Variants in ANOS1 observed in about 807,000 individuals in gnomAD.
ANOS1 encodes anosmin 1.
A neutral mutation model predicts 59.0 loss-of-function variants in ANOS1; 6 were observed. The observed-to-expected ratio is 0.10, with a 90% CI of 0.06 to 0.20. ANOS1 has a LOEUF of 0.20. Ranked by LOEUF, ANOS1 falls within the 10% of genes least tolerant of loss-of-function variation. The pLI, the probability that ANOS1 is intolerant of heterozygous loss-of-function variation, is 1.00. For missense variants in ANOS1, 433 were observed against 542.3 expected (o/e 0.80, Z 2.00); for synonymous variants, 217 against 223.4 (o/e 0.97, Z 0.25).
At chrX:8,714,105 C>T (rs181377719) in intron 1 of ANOS1, among the ~76,000 whole-genome samples, 28 of 112,039 alleles carry the variant, frequency 2.5e-4, no homozygotes, top group Non-Finnish European at 1.7e-4. Context: ...ACATTCAGGG[C>T]GGTCTAGACC....
chrX:8,547,404 T>C (rs1929786038), intron 9 of ANOS1, among the ~76,000 whole-genome samples: 1 of 111,985 alleles, frequency 8.9e-6, no homozygotes, highest in South Asian at 3.7e-4. Context: ...AAAAAAGTAA[T>C]CCAGCCTTTA....
At chrX:8,575,877 G>A (rs1324723232) in intron 6 of ANOS1, among the ~76,000 whole-genome samples, 1 of 111,127 alleles carries the variant, frequency 9.0e-6, no homozygotes, top group Non-Finnish European at 1.9e-5. Context: ...GCTGAGGCAG[G>A]AGGATTGTTT....
chrX:8,655,017 C>T (rs1298327722), intron 2 of ANOS1, among the ~76,000 whole-genome samples: 1 of 110,814 alleles, frequency 9.0e-6, no homozygotes, highest in Non-Finnish European at 1.9e-5. Context: ...CTTTTTAGCA[C>T]CAGGATCTGG....
intron 6 of ANOS1, among the ~76,000 whole-genome samples, chrX:8,578,788 T>C (rs1047247838): frequency 3.6e-5 from 4 of 112,554 alleles, no homozygotes; most frequent in Non-Finnish European, 5.6e-5. Flanking sequence ...TTTTGTGATG[T>C]CAAATTGATA....
At chrX:8,714,308 A>C (rs180980436) in intron 1 of ANOS1, among the ~76,000 whole-genome samples, 99 of 111,923 alleles carry the variant, frequency 8.8e-4, no homozygotes, top group African/African-American at 2.8e-3. Flanking sequence ...GACAGGTGCA[A>C]TATGTTATAC....
intron 8 of ANOS1, among the ~76,000 whole-genome samples, chrX:8,556,976 A>G (rs916380741): frequency 8.9e-5 from 10 of 111,942 alleles, no homozygotes; most frequent in African/African-American, 3.2e-4. Context: ...GTAACAAAAC[A>G]GATATATAGA....
At chrX:8,679,884 T>C (rs2146885595) in intron 2 of ANOS1, among the ~76,000 whole-genome samples, 1 of 110,901 alleles carries the variant, frequency 9.0e-6, no homozygotes, top group African/African-American at 3.3e-5. Context: ...ACCAACTAAA[T>C]TGTGAATACT....
At chrX:8,670,654 G>T (rs181318038) in intron 2 of ANOS1, among the ~76,000 whole-genome samples, 2 of 111,614 alleles carry the variant, frequency 1.8e-5, no homozygotes, top group East Asian at 5.6e-4. Context: ...TGAAATTCTG[G>T]ACAACTCAAA....
chrX:8,581,343 C>T (rs1930420129), intron 6 of ANOS1, among the ~76,000 whole-genome samples: 1 of 111,717 alleles, frequency 9.0e-6, no homozygotes, highest in Non-Finnish European at 1.9e-5. Context: ...TTGCCTCCCA[C>T]CATGATTCTG....
At chrX:8,622,825 T>C (rs1426665713) in intron 3 of ANOS1, among the ~76,000 whole-genome samples, 1 of 112,131 alleles carries the variant, frequency 8.9e-6, no homozygotes, top group African/African-American at 3.2e-5. Context: ...GCAGATCTCC[T>C]TTTTTGCACT....
At chrX:8,611,418 G>A (rs999796195) in intron 3 of ANOS1, among the ~76,000 whole-genome samples, 1 of 109,446 alleles carries the variant, frequency 9.1e-6, no homozygotes, top group Non-Finnish European at 1.9e-5. Flanking sequence ...GAAGATGGGA[G>A]AAATCAATAA....
chrX:8,549,362 T>C (rs746023382), intron 9 of ANOS1, among the ~76,000 whole-genome samples: 1 of 112,396 alleles, frequency 8.9e-6, no homozygotes, highest in Non-Finnish European at 1.9e-5. Context: ...ACTGAAATCA[T>C]TATTGTATGG....
At chrX:8,610,035 ACAAC>A (rs373539205) in intron 3 of ANOS1, among the ~76,000 whole-genome samples, 2,533 of 50,716 alleles carry the variant, frequency 0.05, 288 homozygotes, top group African/African-American at 0.066. Flanking sequence ...AAAAAAAAAA[ACAAC>A]AACCTTTAAA....
chrX:8,678,272 C>T (rs1407638195), intron 2 of ANOS1, among the ~76,000 whole-genome samples: 4 of 112,131 alleles, frequency 3.6e-5, no homozygotes, highest in South Asian at 3.7e-4. Context: ...GAATCCTATA[C>T]GTTACTTAAA....
At chrX:8,633,796 CCAAA>C (rs772135045) in intron 2 of ANOS1, among the ~76,000 whole-genome samples, 10 of 111,630 alleles carry the variant, frequency 9.0e-5, no homozygotes, top group African/African-American at 6.5e-5. Flanking sequence ...AGAGGAAATA[CCAAA>C]CAATCTACAA....
chrX:8,612,441 TAAAG>T (rs1931075088), intron 3 of ANOS1, among the ~76,000 whole-genome samples: 1 of 108,569 alleles, frequency 9.2e-6, no homozygotes, highest in Non-Finnish European at 1.9e-5. Context: ...AGAAATTATA[TAAAG>T]AGAGTCAAAC....
chrX:8,684,754 CTCTT>C (rs1168306316), intron 2 of ANOS1, among the ~76,000 whole-genome samples: 5 of 109,757 alleles, frequency 4.6e-5, no homozygotes, highest in Non-Finnish European at 9.5e-5. Context: ...TGTGAAGTTT[CTCTT>C]GGGAAACACT....
Position 8,659,584 on chromosome X carries a change from GCCTTCCTTCCTTCCTT to G in ANOS1, c.256-35930_256-35915del, listed in dbSNP as rs201790891. ...TTCCTTCCTCCCTGCTTGCTTGCTT[GCCTTCCTTCCTTCCTT>G]CCTTCCTTCCTTCCTTCCTTCCTTC... On this transcript the variant is annotated intron_variant, in intron 2 of 13. Coordinates refer to ENST00000262648, the MANE Select transcript of ANOS1 (RefSeq NM_000216.4). Among the ~76,000 whole-genome samples the G allele has an allele frequency of 1.7e-3, 100 of 57,685 alleles. 2 individuals carry two copies. The highest frequency in any genetic ancestry group is 6.0e-3 in the Admixed American group (29 of 4,811). 50.1% of individuals were successfully genotyped at this position (57,685 alleles called of 115,157 possible). A position where few individuals can be genotyped will look rare whatever the true frequency, so the allele number is the denominator to read the frequency against.
Position 8,732,106 on chromosome X carries a change from G to A in ANOS1, c.-70C>T. ...AGGCTCCCTGCTCCGCGCCGGGGCT[G>A]CACTGCTGAGGACCAGGCAGACGCC... On this transcript the variant is annotated 5_prime_UTR_variant, in exon 1 of 14. Coordinates refer to ENST00000262648, the MANE Select transcript of ANOS1 (RefSeq NM_000216.4). 1.3e-6 allele frequency: 1 copy of A among 790,844 alleles called. No individual in the cohort carries two copies. The highest frequency in any genetic ancestry group is 5.5e-5 in the East Asian group (1 of 18,310). The allele number at this position is 790,844 out of a possible 1,213,427, so 65.2% of individuals were successfully genotyped here.
Sources: gnomAD v4.1 joint callset for allele counts (sites outside exome capture counted in the v4.1 genomes callset) on GRCh38, gnomAD v4.1.1 for gene constraint, MANE v1.5 for transcripts, NCBI Gene and HGNC (gene_info 2026-07-23, HGNC 2026-07-21) for gene names.